CNTNAP2: variants seen among roughly 807,000 people sequenced by gnomAD.
CNTNAP2 encodes the protein contactin-associated protein-like 2.
CNTNAP2 carries 98 observed loss-of-function variants against 155.2 expected under a neutral mutation model. The observed-to-expected ratio is 0.63, with a 90% CI of 0.54 to 0.75. The LOEUF (loss-of-function observed/expected upper bound fraction) is 0.75, where lower values mean the gene tolerates loss of function less well. Among genes scored for constraint, CNTNAP2 ranks in the 30% least tolerant of loss-of-function variants. The pLI, the probability that CNTNAP2 is intolerant of heterozygous loss-of-function variation, is 0.00. For missense variants in CNTNAP2, 1,727 were observed against 1,688.1 expected (o/e 1.02, Z -0.40); for synonymous variants, 651 against 631.2 (o/e 1.03, Z -0.47).
chr7:146,771,221 A>T (rs781441932), intron 1 of CNTNAP2, among the ~76,000 whole-genome samples: 111 of 152,162 alleles, frequency 7.3e-4, no homozygotes, highest in Non-Finnish European at 8.4e-4. Context: ...GTTTCTTCCC[A>T]CAAAAACATA....
chr7:147,895,813 G>A (rs893238411), intron 13 of CNTNAP2, among the ~76,000 whole-genome samples: 13 of 152,172 alleles, frequency 8.5e-5, no homozygotes, highest in African/African-American at 2.9e-4. Context: ...TCCTCTTGCT[G>A]AATATAAAAT....
chr7:146,133,509 A>T (rs1208303615), intron 1 of CNTNAP2, among the ~76,000 whole-genome samples: 1 of 152,132 alleles, frequency 6.6e-6, no homozygotes, highest in Non-Finnish European at 1.5e-5. Flanking sequence ...CCTGAATGGT[A>T]ATGCCTAGGT....
chr7:146,163,775 G>T (rs576473131), intron 1 of CNTNAP2, among the ~76,000 whole-genome samples: 1 of 151,912 alleles, frequency 6.6e-6, no homozygotes, highest in South Asian at 2.1e-4. Context: ...AAGTGTGTTT[G>T]TAAGGAAGAG....
intron 13 of CNTNAP2, among the ~76,000 whole-genome samples, chr7:147,728,203 T>C (rs1161159066): frequency 6.6e-6 from 1 of 151,854 alleles, no homozygotes; most frequent in African/African-American, 2.4e-5. Flanking sequence ...GTGTGATCAA[T>C]TCTTTCAGCT....
At chr7:147,987,817 C>T (rs1432739219) in intron 15 of CNTNAP2, among the ~76,000 whole-genome samples, 1 of 152,134 alleles carries the variant, frequency 6.6e-6, no homozygotes, top group East Asian at 1.9e-4. Flanking sequence ...GCCTCAGCCT[C>T]CCAAGTAGCT....
At chr7:147,666,573 T>C (rs536115575) in intron 13 of CNTNAP2, among the ~76,000 whole-genome samples, 6 of 152,364 alleles carry the variant, frequency 3.9e-5, no homozygotes, top group African/African-American at 1.2e-4. Context: ...CTTGTACTTC[T>C]TTTTAGGTTT....
intron 14 of CNTNAP2, among the ~76,000 whole-genome samples, chr7:147,924,440 C>T (rs1800347083): frequency 6.6e-6 from 1 of 152,096 alleles, no homozygotes; most frequent in Non-Finnish European, 1.5e-5. Flanking sequence ...TGCAAGCCCA[C>T]ACTAAGCACT....
intron 3 of CNTNAP2, among the ~76,000 whole-genome samples, chr7:146,902,855 A>G (rs1216643337): frequency 6.6e-6 from 1 of 152,184 alleles, no homozygotes; most frequent in Non-Finnish European, 1.5e-5. Context: ...TGGGCCCTCG[A>G]TGACATGGTT....
intron 13 of CNTNAP2, among the ~76,000 whole-genome samples, chr7:147,816,346 T>C (rs1798266095): frequency 6.6e-6 from 1 of 152,080 alleles, no homozygotes; most frequent in South Asian, 2.1e-4. Flanking sequence ...AACGGAAAGG[T>C]AGCAAAGACG....
chr7:146,135,552 T>C (rs1797785218), intron 1 of CNTNAP2, among the ~76,000 whole-genome samples: 1 of 152,062 alleles, frequency 6.6e-6, no homozygotes, highest in Non-Finnish European at 1.5e-5. Context: ...GGAATAGAGT[T>C]TCCAGGTTAT....
chr7:146,544,676 A>G (rs17513823), intron 1 of CNTNAP2, among the ~76,000 whole-genome samples: 94,403 of 151,692 alleles, frequency 0.62, 30,240 homozygotes, highest in African/African-American at 0.72. Context: ...AAAGAACAAG[A>G]AAAGCAGGGC....
chr7:146,483,282 A>AAAAAATATATAT (rs1178407767), intron 1 of CNTNAP2, among the ~76,000 whole-genome samples: 4 of 39,874 alleles, frequency 1.0e-4, no homozygotes, highest in East Asian at 1.1e-3. Flanking sequence ...TCTAAAAAAA[A>AAAAAATATATAT]ATATATATAT....
intron 8 of CNTNAP2, among the ~76,000 whole-genome samples, chr7:147,217,316 A>T (rs1803296099): frequency 6.6e-6 from 1 of 151,812 alleles, no homozygotes; most frequent in Admixed American, 6.6e-5. Context: ...CATGTTGAGG[A>T]AGTTTCCCCT....
intron 1 of CNTNAP2, among the ~76,000 whole-genome samples, chr7:146,326,912 A>T (rs911195193): frequency 6.6e-6 from 1 of 152,210 alleles, no homozygotes; most frequent in Non-Finnish European, 1.5e-5. Context: ...TATGTCAATT[A>T]TGTCGAAGAA....
chr7:147,097,811 G>A (rs536026767), intron 4 of CNTNAP2, among the ~76,000 whole-genome samples: 9 of 152,180 alleles, frequency 5.9e-5, no homozygotes, highest in African/African-American at 1.2e-4. Flanking sequence ...AAATGAATTC[G>A]AATATGTAGC....
chr7:148,056,199 G>C (rs1803005004), intron 15 of CNTNAP2, among the ~76,000 whole-genome samples: 1 of 152,100 alleles, frequency 6.6e-6, no homozygotes, highest in Non-Finnish European at 1.5e-5. Context: ...AACATTGTGG[G>C]CAATTTCTTC....
At chr7:148,335,232 C>T (rs576085512) in intron 21 of CNTNAP2, among the ~76,000 whole-genome samples, 2 of 152,282 alleles carry the variant, frequency 1.3e-5, no homozygotes, top group South Asian at 4.2e-4. Context: ...CACTCTAATC[C>T]CACAGCAGGT....
intron 3 of CNTNAP2, among the ~76,000 whole-genome samples, chr7:146,940,113 A>G (rs1392989533): frequency 6.6e-6 from 1 of 152,224 alleles, no homozygotes. Flanking sequence ...TTACATCTAT[A>G]CTGCCTATTT....
chr7:146,393,009 A>G (rs148629960), intron 1 of CNTNAP2, among the ~76,000 whole-genome samples: 11 of 152,318 alleles, frequency 7.2e-5, no homozygotes, highest in African/African-American at 2.6e-4. Flanking sequence ...ATGACAGCAA[A>G]TGAGTCTGTG....
Sources: gnomAD v4.1 joint callset for allele counts (sites outside exome capture counted in the v4.1 genomes callset) on GRCh38, gnomAD v4.1.1 for gene constraint, MANE v1.5 for transcripts, NCBI Gene and HGNC (gene_info 2026-07-23, HGNC 2026-07-21) for gene names.